Variants in ATP9A observed in about 807,000 individuals in gnomAD.
ATP9A encodes ATPase phospholipid transporting 9A, also known as probable phospholipid-transporting ATPase IIA.
A neutral mutation model predicts 144.1 loss-of-function variants in ATP9A; 52 were observed. The observed-to-expected ratio is 0.36, with a 90% CI of 0.29 to 0.45. ATP9A has a LOEUF of 0.45. Among genes scored for constraint, ATP9A ranks in the 20% least tolerant of loss-of-function variants. ATP9A has a pLI of 1.00. For missense variants in ATP9A, 947 were observed against 1,392.7 expected (o/e 0.68, Z 5.09); for synonymous variants, 582 against 557.4 (o/e 1.04, Z -0.62).
chr20:51,753,636 TTC>T, intron 1 of ATP9A, among the ~76,000 whole-genome samples: 1 of 151,870 alleles, frequency 6.6e-6, no homozygotes, highest in African/African-American at 2.4e-5. Flanking sequence ...TTTATCAGTT[TTC>T]TCTGTTCTCT....
intron 4 of ATP9A, 138 bp from the exon 5 acceptor site, chr20:51,697,620 C>T: frequency 1.4e-6 from 1 of 695,460 alleles, no homozygotes; most frequent in Non-Finnish European, 2.4e-6. Context: ...GTGACTCCAG[C>T]ACCATTATTT....
At chr20:51,701,741 T>A (rs1453344612) in intron 4 of ATP9A, among the ~76,000 whole-genome samples, 1 of 152,246 alleles carries the variant, frequency 6.6e-6, no homozygotes, top group African/African-American at 2.4e-5. Flanking sequence ...TGCAGTGTTT[T>A]GAGGGGATGA....
At chr20:51,628,862 A>C in intron 16 of ATP9A, 118 bp downstream of exon 16, 1 of 778,952 alleles carries the variant, frequency 1.3e-6, no homozygotes, top group Non-Finnish European at 2.2e-6. Context: ...GCTGCATTTC[A>C]GGGTGGTTTG....
chr20:51,628,926 G>T, intron 16 of ATP9A, 54 bp downstream of exon 16: 1 of 1,472,074 alleles, frequency 6.8e-7, no homozygotes, highest in East Asian at 2.3e-5. Context: ...GCAAGGGGCT[G>T]CCTCTGCAGA....
intron 15 of ATP9A, among the ~76,000 whole-genome samples, chr20:51,631,471 G>T (rs989320703): frequency 2.0e-5 from 3 of 152,166 alleles, no homozygotes; most frequent in Non-Finnish European, 4.4e-5. Flanking sequence ...TCCCAGCCCA[G>T]CTTCCTCACT....
chr20:51,734,407 C>T (rs1021076456), intron 1 of ATP9A: 2 of 152,106 alleles, frequency 1.3e-5, no homozygotes, highest in Non-Finnish European at 2.9e-5. Context: ...ACCATAACAC[C>T]GTTCATCAAA....
chr20:51,671,187 C>A lies in ATP9A; in HGVS notation c.1108G>T (p.Gly370Trp). ...ATCGTGCTGGAGCGAACCACGGTCC[C>A]GGGGATTTTCGAGTCCCTTCGAATC... Reference protein sequence around the residue: ...WVIRRDSKIPGTVVRSSTIPE... With the variant: ...WVIRRDSKIPWTVVRSSTIPE... The change falls in exon 12 of 28, where the codon GGG becomes TGG. Residue 370 changes from glycine (G) to tryptophan (W), a missense_variant. Physicochemically the swap from Gly to Trp is radical, Grantham distance 184 (BLOSUM62 -2). Coordinates refer to ENST00000338821, the MANE Select transcript of ATP9A (RefSeq NM_006045.3). 1.2e-6 allele frequency: 2 copies of A among 1,614,034 alleles called. No individual in the cohort carries two copies. Among genetic ancestry groups the A allele is most frequent in the Non-Finnish European group, 1.7e-6 (2 of 1,179,988 alleles).
chr20:51,629,935 G>C (rs1469065652), intron 15 of ATP9A, among the ~76,000 whole-genome samples: 1 of 152,226 alleles, frequency 6.6e-6, no homozygotes, highest in East Asian at 1.9e-4. Flanking sequence ...GCTGGGATGA[G>C]AGTGATTTCC....
intron 9 of ATP9A, among the ~76,000 whole-genome samples, chr20:51,681,587 C>T (rs1361975741): frequency 6.6e-6 from 1 of 151,978 alleles, no homozygotes; most frequent in Non-Finnish European, 1.5e-5. Context: ...ACACCCAGCT[C>T]ATTTTTGTAT....
In ATP9A at chr20:51,690,820, C is replaced by CT; in HGVS notation, c.643-2dup. On this transcript the variant is annotated splice_acceptor_variant, in intron 7 of 27. Coordinates refer to ENST00000338821, the MANE Select transcript of ATP9A (RefSeq NM_006045.3). LOFTEE classifies it high-confidence loss of function. ...CATACGATCGAATCTGAAGAAGGTCCTGTTCAACAGAAGGCACATTCGGGA... is the reference window on the plus strand; with the variant it reads ...CATACGATCGAATCTGAAGAAGGTCCTTGTTCAACAGAAGGCACATTCGGGA... The CT allele has an allele frequency of 6.2e-7, 1 of 1,613,836 alleles. No homozygotes were observed. The highest frequency in any genetic ancestry group is 8.5e-7 in the Non-Finnish European group (1 of 1,179,732).
intron 13 of ATP9A, 140 bp downstream of exon 13, chr20:51,669,857 T>C (rs1051350219): frequency 1.5e-6 from 1 of 676,830 alleles, no homozygotes; most frequent in Non-Finnish European, 2.5e-6. Context: ...GTTGCTCAAC[T>C]CTGAATATGC....
At chr20:51,641,211 T>A (rs1308391332) in intron 14 of ATP9A, among the ~76,000 whole-genome samples, 1 of 150,784 alleles carries the variant, frequency 6.6e-6, no homozygotes. Flanking sequence ...ATACAAAAAT[T>A]AGCCGGAGGT....
At chr20:51,698,222 C>T (rs1244900361) in intron 4 of ATP9A, among the ~76,000 whole-genome samples, 1 of 152,182 alleles carries the variant, frequency 6.6e-6, no homozygotes, top group Non-Finnish European at 1.5e-5. Context: ...GAGTTCCATT[C>T]AACCCAAAAA....
At position 51,601,089 on chromosome 20, in the gene ATP9A, T is replaced by C; in HGVS notation, c.*122A>G. Reference sequence around the variant, plus strand: ...CGTTTAGGCGCAGAGCCACTTCCCATTAAAACTGCATGTGTTAGCAATTAC... The same window carrying C: ...CGTTTAGGCGCAGAGCCACTTCCCACTAAAACTGCATGTGTTAGCAATTAC... On this transcript the variant is annotated 3_prime_UTR_variant, in exon 28 of 28. Transcript: ENST00000338821. 7.9e-7 allele frequency: 1 copy of C among 1,270,328 alleles called. No individual in the cohort carries two copies. Among genetic ancestry groups the C allele is most frequent in the Non-Finnish European group, 1.1e-6 (1 of 939,886 alleles). 78.7% of individuals were successfully genotyped at this position (1,270,328 alleles called of 1,614,324 possible). A position where few individuals can be genotyped will look rare whatever the true frequency, so the allele number is the denominator to read the frequency against.
At chr20:51,735,845 T>A (rs2077760630) in intron 1 of ATP9A, among the ~76,000 whole-genome samples, 1 of 152,138 alleles carries the variant, frequency 6.6e-6, no homozygotes, top group Admixed American at 6.6e-5. Context: ...ACTCCTCCAT[T>A]CCCAAAGTGT....
intron 1 of ATP9A, chr20:51,734,665 A>G (rs6063704): frequency 0.31 from 47,250 of 153,266 alleles, 8,034 homozygotes; most frequent in African/African-American, 0.44. Flanking sequence ...AGAAAGAAAG[A>G]AAGGAAGAAA....
chr20:51,695,347 G>C (rs941073985), intron 6 of ATP9A, among the ~76,000 whole-genome samples: 20 of 151,696 alleles, frequency 1.3e-4, no homozygotes, highest in African/African-American at 4.8e-4. Flanking sequence ...GCCGGGCATG[G>C]TGGTGCACGG....
chr20:51,742,516 CT>C (rs375939884), intron 1 of ATP9A, among the ~76,000 whole-genome samples: 1,586 of 149,328 alleles, frequency 0.011, 17 homozygotes, highest in African/African-American at 0.033. Context: ...TCCTCCTTTA[CT>C]TTTTTTTTTC....
chr20:51,732,552 GCTCT>G (rs1313923428), intron 1 of ATP9A: 2 of 152,138 alleles, frequency 1.3e-5, no homozygotes, highest in Admixed American at 6.6e-5. Context: ...GAAACACAAT[GCTCT>G]TTCTTAAAAA....
Sources: allele counts gnomAD v4.1 joint callset (sites outside exome capture counted in the v4.1 genomes callset), GRCh38; gene constraint gnomAD v4.1.1; transcripts MANE v1.5; gene names NCBI Gene and HGNC (gene_info 2026-07-23, HGNC 2026-07-21).